The following CTNNA3 variants were observed in gnomAD, a reference collection of about 807,000 sequenced individuals.
CTNNA3 encodes the protein catenin alpha-3.
CTNNA3 carries 76 observed loss-of-function variants against 95.7 expected under a neutral mutation model. The ratio of observed to expected loss-of-function variants is 0.79; its 90% CI spans 0.66 to 0.96. CTNNA3 has a LOEUF of 0.96. Ranked by LOEUF, CTNNA3 falls within the 40% of genes least tolerant of loss-of-function variation. CTNNA3 has a pLI of 0.00. For missense variants in CTNNA3, 1,191 were observed against 1,089.8 expected (o/e 1.09, Z -1.31); for synonymous variants, 431 against 374.4 (o/e 1.15, Z -1.74).
intron 13 of CTNNA3, among the ~76,000 whole-genome samples, chr10:66,123,807 C>T (rs1311608758): frequency 4.6e-5 from 7 of 152,114 alleles, no homozygotes. Context: ...GGCCCAAGCT[C>T]GACATTTGCC....
chr10:66,760,697 T>C (rs1348837323), intron 9 of CTNNA3, among the ~76,000 whole-genome samples: 2 of 152,152 alleles, frequency 1.3e-5, no homozygotes, highest in Non-Finnish European at 2.9e-5. Flanking sequence ...AGAAAATTTA[T>C]AAAGAAATCA....
chr10:66,024,107 T>TTTTTTTTTTTTTTTTTTTTA, intron 15 of CTNNA3, among the ~76,000 whole-genome samples: 1 of 147,006 alleles, frequency 6.8e-6, no homozygotes, highest in Non-Finnish European at 1.5e-5. Flanking sequence ...TTTTTTTTTT[T>TTTTTTTTTTTTTTTTTTTTA]GAGACGGAGT....
chr10:67,196,097 G>T (rs1374678607), intron 6 of CTNNA3, among the ~76,000 whole-genome samples: 1 of 152,036 alleles, frequency 6.6e-6, no homozygotes, highest in Non-Finnish European at 1.5e-5. Flanking sequence ...CAGAATGAGT[G>T]ATAAAAATGG....
At chr10:67,671,246 G>A (rs972636334) in intron 1 of CTNNA3, among the ~76,000 whole-genome samples, 1 of 152,090 alleles carries the variant, frequency 6.6e-6, no homozygotes, top group Non-Finnish European at 1.5e-5. Context: ...ACTGTGGTAA[G>A]GTGCCTGGAA....
intron 15 of CTNNA3, among the ~76,000 whole-genome samples, chr10:66,027,346 T>C (rs1318710726): frequency 1.3e-5 from 2 of 152,176 alleles, no homozygotes; most frequent in African/African-American, 4.8e-5. Context: ...TTTATGCATA[T>C]TTAACAATTA....
At chr10:65,939,822 C>G (rs2077401457) in intron 17 of CTNNA3, among the ~76,000 whole-genome samples, 1 of 151,884 alleles carries the variant, frequency 6.6e-6, no homozygotes, top group Non-Finnish European at 1.5e-5. Context: ...TTGGCATTAG[C>G]AAGATTATTT....
chr10:66,602,306 T>A (rs1193425500), intron 10 of CTNNA3, among the ~76,000 whole-genome samples: 1 of 151,962 alleles, frequency 6.6e-6, no homozygotes. Context: ...AAAATAATGT[T>A]ATGAACAAAA....
intron 7 of CTNNA3, among the ~76,000 whole-genome samples, chr10:66,853,832 C>T (rs896196860): frequency 5.3e-5 from 8 of 152,090 alleles, no homozygotes; most frequent in African/African-American, 1.4e-4. Context: ...GAGAAAAGTA[C>T]ATAATTTCTA....
intron 5 of CTNNA3, among the ~76,000 whole-genome samples, chr10:67,411,820 G>C (rs1229849267): frequency 1.3e-5 from 2 of 151,996 alleles, no homozygotes; most frequent in East Asian, 3.9e-4. Context: ...CCATATCTGA[G>C]GGATAACTGG....
intron 7 of CTNNA3, among the ~76,000 whole-genome samples, chr10:67,011,024 T>C (rs1852293749): frequency 6.6e-6 from 1 of 152,098 alleles, no homozygotes; most frequent in African/African-American, 2.4e-5. Context: ...GAAATTAAGA[T>C]TATTTGTCAA....
At chr10:66,758,918 G>A (rs1839485496) in intron 9 of CTNNA3, among the ~76,000 whole-genome samples, 2 of 152,092 alleles carry the variant, frequency 1.3e-5, no homozygotes, top group African/African-American at 2.4e-5. Context: ...CTGGGTGACA[G>A]AGGGTGAGAC....
At chr10:67,347,067 T>TC (rs1264467222) in intron 5 of CTNNA3, among the ~76,000 whole-genome samples, 1 of 148,740 alleles carries the variant, frequency 6.7e-6, no homozygotes, top group East Asian at 1.9e-4. Flanking sequence ...TCCTAGAATT[T>TC]TTTTTTTTTT....
chr10:67,740,010 T>C (rs2133639796), intron 1 of CTNNA3, among the ~76,000 whole-genome samples: 1 of 152,248 alleles, frequency 6.6e-6, no homozygotes, highest in East Asian at 1.9e-4. Context: ...GCCGCATATC[T>C]ACAACTATCT....
chr10:66,624,065 T>G (rs915738580), intron 9 of CTNNA3, among the ~76,000 whole-genome samples: 20 of 152,164 alleles, frequency 1.3e-4, no homozygotes, highest in African/African-American at 4.8e-4. Flanking sequence ...CCTTTGTGTA[T>G]CTGCGCAAAA....
intron 12 of CTNNA3, among the ~76,000 whole-genome samples, chr10:66,312,750 T>C (rs1042422588): frequency 6.6e-6 from 1 of 152,138 alleles, no homozygotes; most frequent in African/African-American, 2.4e-5. Context: ...TTTCACCATA[T>C]TGGCCAGGAT....
chr10:67,662,289 G>C (rs1448678237), intron 1 of CTNNA3, among the ~76,000 whole-genome samples: 1 of 152,090 alleles, frequency 6.6e-6, no homozygotes, highest in East Asian at 1.9e-4. Context: ...AAAATAGAAT[G>C]ATTTTAGCAA....
At chr10:65,997,836 G>C (rs892083328) in intron 15 of CTNNA3, among the ~76,000 whole-genome samples, 1 of 152,038 alleles carries the variant, frequency 6.6e-6, no homozygotes, top group Non-Finnish European at 1.5e-5. Flanking sequence ...GAGCAACATG[G>C]AGAAACCCCA....
rs1306920248 is a variant in CTNNA3 at position 66,146,003 on chromosome 10, G to A, written c.1885-42754C>T. 2.6e-5 allele frequency among the ~76,000 whole-genome samples: 4 copies of A among 152,016 alleles called. No individual in the cohort carries two copies. In the South Asian group the frequency reaches 6.2e-4, roughly 24 times the overall value. On this transcript the variant is annotated intron_variant, in intron 13 of 17. Coordinates refer to ENST00000433211, the MANE Select transcript of CTNNA3 (RefSeq NM_013266.4). ...CGAGTAGCTGGGACTATAGGCACGC[G>A]CCACCAAGCCCTGCTAATGTTTGTG...
intron 10 of CTNNA3, among the ~76,000 whole-genome samples, chr10:66,601,788 T>C (rs1370706142): frequency 6.6e-5 from 10 of 151,830 alleles, no homozygotes; most frequent in Admixed American, 6.6e-4. Flanking sequence ...TTAGTGACAT[T>C]CATGCTTAAG....
Sources: allele counts gnomAD v4.1 joint callset (sites outside exome capture counted in the v4.1 genomes callset), GRCh38; gene constraint gnomAD v4.1.1; transcripts MANE v1.5; gene names NCBI Gene and HGNC (gene_info 2026-07-23, HGNC 2026-07-21).